AMBRA1: variants seen among roughly 807,000 people sequenced by gnomAD.
AMBRA1 encodes the protein activating molecule in BECN1-regulated autophagy protein 1.
In AMBRA1, 47 loss-of-function variants were observed where a neutral mutation model predicts 125.4. That is an observed-to-expected ratio of 0.37 (90% CI 0.30 to 0.48). The LOEUF (loss-of-function observed/expected upper bound fraction) is 0.48. Among genes scored for constraint, AMBRA1 ranks in the 20% least tolerant of loss-of-function variants. The probability of loss-of-function intolerance (pLI) is 0.99; values close to 1 mark genes in which losing one functional copy is unlikely to be tolerated. For missense variants in AMBRA1, 1,331 were observed against 1,693.4 expected, an observed-to-expected ratio of 0.79 and a Z score of 3.76; for synonymous variants, 626 against 655.5, an observed-to-expected ratio of 0.95 and a Z score of 0.69.
intron 15 of AMBRA1, among the ~76,000 whole-genome samples, chr11:46,410,918 T>C (rs185797949): frequency 2.2e-3 from 329 of 152,146 alleles, no homozygotes; most frequent in Non-Finnish European, 3.7e-3. Context: ...CTGGCCAACA[T>C]TGTGAAACCC....
intron 1 of AMBRA1, among the ~76,000 whole-genome samples, chr11:46,579,962 C>G (rs902689873): frequency 1.3e-5 from 2 of 152,220 alleles, no homozygotes; most frequent in African/African-American, 4.8e-5. Context: ...ATCTACCTGC[C>G]TCAGCCTCCC....
At chr11:46,477,746 G>A (rs570073674) in intron 11 of AMBRA1, among the ~76,000 whole-genome samples, 1 of 152,160 alleles carries the variant, frequency 6.6e-6, no homozygotes, top group South Asian at 2.1e-4. Flanking sequence ...CAGCGACTGA[G>A]GTGGTTCTAA....
chr11:46,592,134 C>T (rs1766806582), intron 1 of AMBRA1, among the ~76,000 whole-genome samples: 1 of 151,612 alleles, frequency 6.6e-6, no homozygotes, highest in South Asian at 2.1e-4. Context: ...TAGGTTTCTC[C>T]ACGTTAGTCA....
intron 9 of AMBRA1, among the ~76,000 whole-genome samples, chr11:46,506,214 A>G (rs899118154): frequency 2.0e-5 from 3 of 152,180 alleles, no homozygotes; most frequent in African/African-American, 7.2e-5. Context: ...GAGAAGGAAC[A>G]AGCTGACAGT....
chr11:46,575,138 T>G (rs1318596783), intron 1 of AMBRA1, among the ~76,000 whole-genome samples: 3 of 152,184 alleles, frequency 2.0e-5, no homozygotes, highest in Admixed American at 2.0e-4. Context: ...AACTCCCTCT[T>G]AGTCCTTTTG....
chr11:46,435,224 C>G (rs1947663578), intron 12 of AMBRA1, among the ~76,000 whole-genome samples, 187 bp from the exon 13 acceptor site: 1 of 152,186 alleles, frequency 6.6e-6, no homozygotes, highest in East Asian at 1.9e-4. Flanking sequence ...AAGTATGTCT[C>G]TTCTCCCACC....
At chr11:46,493,779 G>T in intron 10 of AMBRA1, 71 bp from the exon 11 acceptor site, 1 of 1,262,034 alleles carries the variant, frequency 7.9e-7, no homozygotes, top group Non-Finnish European at 1.1e-6. Context: ...TACCTACACT[G>T]AAAAATCTGG....
At chr11:46,415,828 G>C (rs1172194041) in intron 15 of AMBRA1, among the ~76,000 whole-genome samples, 1 of 152,276 alleles carries the variant, frequency 6.6e-6, no homozygotes, top group East Asian at 1.9e-4. Flanking sequence ...GGCAGCCCAA[G>C]ATGGCTTAGG....
chr11:46,433,687 A>G (rs993755116), intron 13 of AMBRA1, 59 bp from the exon 14 acceptor site: 58 of 1,544,288 alleles, frequency 3.8e-5, no homozygotes, highest in Non-Finnish European at 5.0e-5. Context: ...CAAGGAAACA[A>G]CTTTCACTCT....
At chr11:46,416,130 GAAGTGT>G (rs1284019717) in intron 15 of AMBRA1, among the ~76,000 whole-genome samples, 1 of 152,216 alleles carries the variant, frequency 6.6e-6, no homozygotes, top group Admixed American at 6.5e-5. Flanking sequence ...GCCTGTAACT[GAAGTGT>G]AAGTAAGAGT....
At chr11:46,486,772 C>T (rs896249419) in intron 11 of AMBRA1, among the ~76,000 whole-genome samples, 3 of 151,832 alleles carry the variant, frequency 2.0e-5, no homozygotes, top group African/African-American at 7.3e-5. Flanking sequence ...TGGGCATGGT[C>T]GTGGGCACCT....
Position 46,572,000 on chromosome 11 carries a change from A to G in AMBRA1, c.-121+21828T>C, listed in dbSNP as rs1372075715. On this transcript the variant is annotated intron_variant, in intron 1 of 17. Coordinates refer to ENST00000683756, the MANE Select transcript of AMBRA1 (RefSeq NM_001387011.1). ...ACTGCGCCCTGCCCAATCAATCAAT[A>G]TCTTAAAAAGTTAGATTCACAGCCA... Among the ~76,000 whole-genome samples the G allele has an allele frequency of 4.6e-5, 7 of 152,146 alleles. No individual in the cohort carries two copies. The East Asian group carries it at 1.4e-3, about 29-fold the overall frequency.
intron 1 of AMBRA1, among the ~76,000 whole-genome samples, chr11:46,560,233 G>A (rs536949158): frequency 3.9e-5 from 6 of 152,284 alleles, no homozygotes; most frequent in Admixed American, 3.9e-4. Context: ...ACTGCACACA[G>A]GCAGCAGCAT....
chr11:46,397,157 A>C lies in AMBRA1; in HGVS notation c.*293T>G. On this transcript the variant is annotated 3_prime_UTR_variant, in exon 18 of 18. Transcript: ENST00000683756. ...CTGAGTCCCCTGAGCCCATGTTACT[A>C]GGAGAAAGTGGGGTGCCTGGCAGAG... 3.5e-6 allele frequency: 1 copy of C among 287,514 alleles called. No homozygotes were observed. The highest frequency in any genetic ancestry group is 6.4e-6 in the Non-Finnish European group (1 of 155,748). 17.8% of individuals were successfully genotyped at this position (287,514 alleles called of 1,614,324 possible). A position where few individuals can be genotyped will look rare whatever the true frequency, so the allele number is the denominator to read the frequency against.
intron 8 of AMBRA1, among the ~76,000 whole-genome samples, chr11:46,509,961 C>T (rs901774039): frequency 2.6e-5 from 4 of 152,136 alleles, no homozygotes; most frequent in Non-Finnish European, 4.4e-5. Flanking sequence ...AAGAGGTCCT[C>T]AGTAAGTCTA....
intron 1 of AMBRA1, among the ~76,000 whole-genome samples, chr11:46,587,433 G>C (rs962245419): frequency 1.3e-5 from 2 of 152,054 alleles, no homozygotes; most frequent in African/African-American, 2.4e-5. Context: ...ATATTTATAA[G>C]TCCTAGTTAT....
intron 4 of AMBRA1, 165 bp downstream of exon 4, chr11:46,546,948 G>A: frequency 1.6e-6 from 1 of 606,904 alleles, no homozygotes; most frequent in Non-Finnish European, 2.8e-6. Context: ...GCACATGCCT[G>A]TAATCCCAGC....
At chr11:46,400,796 G>T (rs1945715796) in intron 17 of AMBRA1, among the ~76,000 whole-genome samples, 1 of 152,010 alleles carries the variant, frequency 6.6e-6, no homozygotes, top group African/African-American at 2.4e-5. Flanking sequence ...CCCAGTCTTA[G>T]ACGATCTTCC....
chr11:46,486,566 AG>A lies in AMBRA1; in HGVS notation c.2521+7041del, dbSNP rs1228038804. Among the ~76,000 whole-genome samples, 3 of 152,332 alleles carry A rather than the reference AG, an allele frequency of 2.0e-5. No individual in the cohort carries two copies. In the East Asian group the frequency reaches 5.8e-4, roughly 29 times the overall value. ...CCTGAAAGTAATTCCCTAAGGAACC[AG>A]GGAAGTGGGGAACATCTAAGACCAG... On this transcript the variant is annotated intron_variant, in intron 11 of 17. Transcript: ENST00000683756.
Sources: allele counts gnomAD v4.1 joint callset (sites outside exome capture counted in the v4.1 genomes callset), GRCh38; gene constraint gnomAD v4.1.1; transcripts MANE v1.5; gene names NCBI Gene and HGNC (gene_info 2026-07-23, HGNC 2026-07-21).